Variants in TMEM116 observed in about 807,000 individuals in gnomAD.
TMEM116 encodes the protein transmembrane protein 116.
A neutral mutation model predicts 44.3 loss-of-function variants in TMEM116; 38 were observed. The ratio of observed to expected loss-of-function variants is 0.86; its 90% CI spans 0.66 to 1.12. The LOEUF is 1.12. Among genes scored for constraint, TMEM116 ranks in the 50% most tolerant of loss-of-function variants. The pLI is 0.00. For missense variants in TMEM116, 354 were observed against 401.7 expected, an observed-to-expected ratio of 0.88 and a Z score of 1.01; for synonymous variants, 132 against 144.8, an observed-to-expected ratio of 0.91 and a Z score of 0.64.
At chr12:111,946,799 T>C (rs2073320419) in intron 4 of TMEM116, among the ~76,000 whole-genome samples, 1 of 152,222 alleles carries the variant, frequency 6.6e-6, no homozygotes, top group African/African-American at 2.4e-5. Context: ...TTAAAACCCA[T>C]TTATGCCTAG....
intron 4 of TMEM116, among the ~76,000 whole-genome samples, chr12:111,943,896 T>C (rs1296651151): frequency 6.6e-6 from 1 of 152,132 alleles, no homozygotes; most frequent in Non-Finnish European, 1.5e-5. Context: ...ATTTTATCCT[T>C]TGGACTGTTC....
intron 4 of TMEM116, among the ~76,000 whole-genome samples, chr12:111,953,332 A>G (rs2073870033): frequency 6.6e-6 from 1 of 152,172 alleles, no homozygotes; most frequent in African/African-American, 2.4e-5. Flanking sequence ...CCAAGAAACA[A>G]TCAAACATAA....
chr12:112,006,876 G>A (rs759501911), intron 1 of TMEM116, among the ~76,000 whole-genome samples: 3 of 152,270 alleles, frequency 2.0e-5, no homozygotes, highest in Admixed American at 6.5e-5. Context: ...AATCACTTGC[G>A]TCGCTAGAGT....
intron 1 of TMEM116, among the ~76,000 whole-genome samples, chr12:112,007,211 T>C (rs989384781): frequency 6.6e-6 from 1 of 152,112 alleles, no homozygotes; most frequent in Non-Finnish European, 1.5e-5. Context: ...GGTCAGGAAT[T>C]TGAGACCAGC....
At chr12:111,955,131 C>T (rs1004114992) in intron 4 of TMEM116, among the ~76,000 whole-genome samples, 13 of 152,166 alleles carry the variant, frequency 8.5e-5, no homozygotes, top group African/African-American at 3.1e-4. Context: ...CATCTGCCCA[C>T]AAATATGTTG....
At chr12:111,958,153 C>T (rs2074293634) in intron 4 of TMEM116, among the ~76,000 whole-genome samples, 1 of 151,892 alleles carries the variant, frequency 6.6e-6, no homozygotes, top group African/African-American at 2.4e-5. Flanking sequence ...CGGCAGGGCC[C>T]TCTGCCTAGG....
intron 3 of TMEM116, chr12:111,993,525 G>T: frequency 1.8e-6 from 1 of 545,772 alleles, no homozygotes; most frequent in Non-Finnish European, 3.6e-6. Context: ...ATTGCCCTAT[G>T]GAAGCTGCTA....
chr12:111,958,529 T>C (rs2074337019), intron 4 of TMEM116, among the ~76,000 whole-genome samples: 1 of 152,020 alleles, frequency 6.6e-6, no homozygotes, highest in South Asian at 2.1e-4. Context: ...CTTCAGAAGG[T>C]GGGTAATAAC....
At chr12:111,988,491 A>G (rs2076353981) in intron 4 of TMEM116, among the ~76,000 whole-genome samples, 2 of 150,010 alleles carry the variant, frequency 1.3e-5, no homozygotes, top group African/African-American at 4.9e-5. Context: ...CAGGAGATTG[A>G]GACTATCCTG....
Position 111,993,716 on chromosome 12 carries a change from A to G in TMEM116, c.79-1827T>C, listed in dbSNP as rs377597227. On this transcript the variant is annotated intron_variant, in intron 3 of 10. Transcript: ENST00000552374. ...TAAGGTACTGTTGAAGCATTGTACA[A>G]GTTTGTGGTTCGGAAGCCCTGTGGT... is the stretch of plus-strand genomic sequence containing the variant. The G allele has an allele frequency of 6.3e-5, 40 of 639,120 alleles. No homozygotes were observed. In the African/African-American group the frequency reaches 6.3e-4, roughly 10 times the overall value. The allele number at this position is 639,120 out of a possible 1,614,324, so 39.6% of individuals were successfully genotyped here.
chr12:111,941,106 G>A (rs576921182), intron 5 of TMEM116, among the ~76,000 whole-genome samples: 36 of 152,250 alleles, frequency 2.4e-4, no homozygotes, highest in African/African-American at 8.2e-4. Context: ...GGCCGGGCGC[G>A]TTGGCTCATG....
chr12:111,951,327 A>G (rs1298408015), intron 4 of TMEM116, among the ~76,000 whole-genome samples: 2 of 152,388 alleles, frequency 1.3e-5, no homozygotes, highest in Middle Eastern at 3.4e-3. Context: ...TATGTGCCCA[A>G]AGGAATATAA....
intron 4 of TMEM116, among the ~76,000 whole-genome samples, chr12:111,947,035 G>A (rs1292790212): frequency 6.6e-6 from 1 of 151,840 alleles, no homozygotes; most frequent in Non-Finnish European, 1.5e-5. Context: ...TTAAATTCTT[G>A]ATAACTGGCC....
intron 4 of TMEM116, among the ~76,000 whole-genome samples, chr12:111,945,600 T>C (rs2073209318): frequency 6.6e-6 from 1 of 152,172 alleles, no homozygotes; most frequent in Non-Finnish European, 1.5e-5. Flanking sequence ...TGATTATTAA[T>C]TTATCATCTT....
chr12:111,946,750 A>T (rs1051861116), intron 4 of TMEM116, among the ~76,000 whole-genome samples: 1 of 152,124 alleles, frequency 6.6e-6, no homozygotes, highest in African/African-American at 2.4e-5. Flanking sequence ...AACTGTGTAC[A>T]CTCTCATAAT....
chr12:111,963,486 T>C (rs2074757167), intron 4 of TMEM116, among the ~76,000 whole-genome samples: 1 of 152,206 alleles, frequency 6.6e-6, no homozygotes, highest in Non-Finnish European at 1.5e-5. Flanking sequence ...TGGAACACTA[T>C]GCAGCTATAA....
At chr12:111,972,439 G>T (rs1273330216) in intron 4 of TMEM116, among the ~76,000 whole-genome samples, 1 of 152,114 alleles carries the variant, frequency 6.6e-6, no homozygotes, top group African/African-American at 2.4e-5. Flanking sequence ...TAGAAAATTA[G>T]CAAAGATTTA....
chr12:111,995,317 T>C (rs775329473), intron 3 of TMEM116, among the ~76,000 whole-genome samples: 1 of 152,138 alleles, frequency 6.6e-6, no homozygotes, highest in East Asian at 1.9e-4. Flanking sequence ...CTCTGATGTA[T>C]GACATAAGTG....
chr12:112,003,619 A>G (rs1266951579), intron 3 of TMEM116, 181 bp downstream of exon 3: 1 of 706,744 alleles, frequency 1.4e-6, no homozygotes, highest in African/African-American at 1.9e-5. Flanking sequence ...TATAGCTAAA[A>G]TAATTACCTA....
Sources: gnomAD v4.1 joint callset for allele counts (sites outside exome capture counted in the v4.1 genomes callset) on GRCh38, gnomAD v4.1.1 for gene constraint, MANE v1.5 for transcripts, NCBI Gene and HGNC (gene_info 2026-07-23, HGNC 2026-07-21) for gene names.